SKAP2: variants seen among roughly 807,000 people sequenced by gnomAD.
SKAP2 encodes the protein src kinase-associated phosphoprotein 2.
Under a neutral mutation model 54.9 loss-of-function variants are expected in SKAP2, and 28 were observed. The observed-to-expected ratio is 0.51, with a 90% confidence interval of 0.38 to 0.70. SKAP2 has a LOEUF of 0.70. SKAP2 is among the 30% of genes least tolerant of loss of function. The pLI is 0.00. For missense variants in SKAP2, 356 were observed against 424.1 expected (o/e 0.84, Z 1.41); for synonymous variants, 137 against 134.3 (o/e 1.02, Z -0.14).
intron 9 of SKAP2, among the ~76,000 whole-genome samples, chr7:26,711,480 T>C (rs1367964323): frequency 6.6e-6 from 1 of 152,228 alleles, no homozygotes; most frequent in Admixed American, 6.5e-5. Flanking sequence ...TAAAGTTTGA[T>C]CTGTGTGCTA....
At chr7:26,858,720 T>C (rs901058692) in intron 1 of SKAP2, among the ~76,000 whole-genome samples, 2 of 152,122 alleles carry the variant, frequency 1.3e-5, no homozygotes, top group Non-Finnish European at 2.9e-5. Context: ...TCTGCCAACT[T>C]CTACACAGAT....
intron 10 of SKAP2, among the ~76,000 whole-genome samples, chr7:26,685,554 C>G (rs1292413415): frequency 6.6e-6 from 1 of 152,142 alleles, no homozygotes; most frequent in Non-Finnish European, 1.5e-5. Context: ...ACATTAGGCT[C>G]TAAATAAACA....
chr7:26,815,186 G>A (rs896308517), intron 4 of SKAP2, among the ~76,000 whole-genome samples: 3 of 151,732 alleles, frequency 2.0e-5, no homozygotes, highest in Non-Finnish European at 2.9e-5. Context: ...CTAAACATTC[G>A]TGACTAGGAA....
intron 4 of SKAP2, among the ~76,000 whole-genome samples, chr7:26,750,238 G>A (rs1295412477): frequency 6.6e-6 from 1 of 150,900 alleles, no homozygotes; most frequent in Non-Finnish European, 1.5e-5. Context: ...TTCCCTAAGT[G>A]TAACATGATA....
intron 4 of SKAP2, among the ~76,000 whole-genome samples, chr7:26,757,413 C>T (rs1413889359): frequency 6.6e-6 from 1 of 152,144 alleles, no homozygotes; most frequent in Non-Finnish European, 1.5e-5. Context: ...TTCCCAGCAC[C>T]ATTTATTAAA....
intron 11 of SKAP2, among the ~76,000 whole-genome samples, chr7:26,683,733 CTG>C (rs1215328379): frequency 6.6e-6 from 1 of 152,108 alleles, no homozygotes. Flanking sequence ...CGATGATTCT[CTG>C]TGTTATGATT....
At chr7:26,759,598 A>C (rs1163539661) in intron 4 of SKAP2, among the ~76,000 whole-genome samples, 4 of 152,164 alleles carry the variant, frequency 2.6e-5, no homozygotes, top group Admixed American at 6.5e-5. Context: ...CTGGCCTTTT[A>C]AAAGGGAAGC....
chr7:26,757,161 A>T (rs1162843906), intron 4 of SKAP2, among the ~76,000 whole-genome samples: 1 of 152,086 alleles, frequency 6.6e-6, no homozygotes, highest in Non-Finnish European at 1.5e-5. Context: ...TGCTGTGCAG[A>T]AGCTCTTGAG....
In SKAP2 at chr7:26,713,221, A is replaced by T. The variant is rs139267602; in HGVS notation, c.796+12207T>A. 3.0e-3 allele frequency among the ~76,000 whole-genome samples: 461 copies of T among 152,328 alleles called. 3 individuals are homozygous for T. In the South Asian group the frequency reaches 0.032, roughly 11 times the overall value. On this transcript the variant is annotated intron_variant, in intron 9 of 12. Coordinates refer to ENST00000345317, the MANE Select transcript of SKAP2 (RefSeq NM_003930.5). Reference sequence around the variant, plus strand: ...GTTTGGCTTTTTGCATTTATCCAAAAGGCTTCAGTTTAAATGTCATCTCTT... The same window carrying T: ...GTTTGGCTTTTTGCATTTATCCAAATGGCTTCAGTTTAAATGTCATCTCTT...
At chr7:26,851,822 T>G (rs1474842319) in intron 3 of SKAP2, among the ~76,000 whole-genome samples, 2 of 151,856 alleles carry the variant, frequency 1.3e-5, no homozygotes, top group Non-Finnish European at 2.9e-5. Flanking sequence ...GTGAGGGAAG[T>G]AAGGAAGGAT....
chr7:26,675,627 C>T (rs531275154), intron 11 of SKAP2, among the ~76,000 whole-genome samples: 15 of 152,246 alleles, frequency 9.9e-5, no homozygotes, highest in South Asian at 2.1e-4. Context: ...TTGGATGATG[C>T]ACCAGTTGAC....
intron 9 of SKAP2, among the ~76,000 whole-genome samples, chr7:26,691,127 C>T (rs1387322036): frequency 6.6e-6 from 1 of 152,120 alleles, no homozygotes; most frequent in Non-Finnish European, 1.5e-5. Context: ...GTCATTCGAA[C>T]TTAAGTTTGT....
chr7:26,740,552 T>C (rs1206633300), intron 4 of SKAP2, among the ~76,000 whole-genome samples: 1 of 152,114 alleles, frequency 6.6e-6, no homozygotes, highest in African/African-American at 2.4e-5. Context: ...AAAACTATTA[T>C]AAACAAATAC....
chr7:26,755,439 A>G (rs1264445140), intron 4 of SKAP2, among the ~76,000 whole-genome samples: 1 of 152,158 alleles, frequency 6.6e-6, no homozygotes, highest in East Asian at 1.9e-4. Context: ...TGGATGTCAC[A>G]ATAGATAATG....
intron 9 of SKAP2, among the ~76,000 whole-genome samples, chr7:26,711,293 ATAGT>A (rs1787298132): frequency 6.6e-6 from 1 of 152,022 alleles, no homozygotes; most frequent in Non-Finnish European, 1.5e-5. Flanking sequence ...TTTTTTTTCT[ATAGT>A]TAGATTTCAT....
chr7:26,669,128 A>G lies in SKAP2; in HGVS notation c.*538T>C, dbSNP rs1213488530. ...TACTTAATAGGAATTAAATGTGTGA[A>G]AATAAATAATAACAATAAAGTTATC... is the stretch of plus-strand genomic sequence containing the variant. On this transcript the variant is annotated 3_prime_UTR_variant, in exon 13 of 13. Transcript: ENST00000345317. 6.6e-6 allele frequency: 1 copy of G among 152,194 alleles called. No homozygotes were observed. Among genetic ancestry groups the G allele is most frequent in the Non-Finnish European group, 1.5e-5 (1 of 68,032 alleles). 9.4% of individuals were successfully genotyped at this position (152,194 alleles called of 1,614,324 possible).
At chr7:26,790,390 A>G (rs1230957054) in intron 4 of SKAP2, among the ~76,000 whole-genome samples, 1 of 152,210 alleles carries the variant, frequency 6.6e-6, no homozygotes, top group Non-Finnish European at 1.5e-5. Flanking sequence ...AATCATCTAA[A>G]TTAGTAAGGT....
At chr7:26,854,222 G>A in intron 2 of SKAP2, 60 bp from the exon 3 acceptor site, 1 of 1,091,722 alleles carries the variant, frequency 9.2e-7, no homozygotes, top group Non-Finnish European at 1.3e-6. Context: ...GGTCTAATCA[G>A]TAACAATAAT....
At chr7:26,769,801 T>A (rs552000346) in intron 4 of SKAP2, among the ~76,000 whole-genome samples, 1 of 149,086 alleles carries the variant, frequency 6.7e-6, no homozygotes, top group African/African-American at 2.5e-5. Flanking sequence ...ACAGCAAAGA[T>A]TGCTGCCTGC....
Sources: allele counts gnomAD v4.1 joint callset (sites outside exome capture counted in the v4.1 genomes callset), GRCh38; gene constraint gnomAD v4.1.1; transcripts MANE v1.5; gene names NCBI Gene and HGNC (gene_info 2026-07-23, HGNC 2026-07-21).